The following CSMD1 variants were observed in gnomAD, a reference collection of about 807,000 sequenced individuals.
CSMD1 encodes CUB and sushi domain-containing protein 1.
CSMD1 carries 213 observed loss-of-function variants against 417.5 expected under a neutral mutation model. The observed-to-expected ratio is 0.51, with a 90% CI of 0.46 to 0.57. CSMD1 has a LOEUF of 0.57. CSMD1 is among the 20% of genes least tolerant of loss of function. CSMD1 has a pLI of 0.00. For missense variants in CSMD1, 6,923 were observed against 4,529.7 expected (o/e 1.53, Z -15.17); for synonymous variants, 2,862 against 1,736.8 (o/e 1.65, Z -16.11).
intron 5 of CSMD1, among the ~76,000 whole-genome samples, chr8:3,953,127 T>C (rs894323874): frequency 1.2e-4 from 18 of 152,016 alleles, no homozygotes; most frequent in African/African-American, 4.3e-4. Flanking sequence ...TCAATGATCA[T>C]AAACCCTAAA....
intron 1 of CSMD1, among the ~76,000 whole-genome samples, chr8:4,638,322 G>C (rs972856886): frequency 6.6e-6 from 1 of 152,090 alleles, no homozygotes; most frequent in Non-Finnish European, 1.5e-5. Context: ...GTGGTAATAA[G>C]AATAGTTAGA....
chr8:4,549,562 C>CG (rs1797774469), intron 2 of CSMD1, among the ~76,000 whole-genome samples: 1 of 152,004 alleles, frequency 6.6e-6, no homozygotes, highest in Admixed American at 6.5e-5. Flanking sequence ...CACAGCCTCC[C>CG]GCATTACGTG....
intron 10 of CSMD1, among the ~76,000 whole-genome samples, chr8:3,507,621 A>G (rs1796883968): frequency 6.6e-6 from 1 of 152,194 alleles, no homozygotes; most frequent in African/African-American, 2.4e-5. Context: ...ATTCCCACCA[A>G]CAGTGTAAAA....
At chr8:4,832,659 T>A (rs997668083) in intron 1 of CSMD1, among the ~76,000 whole-genome samples, 1 of 152,176 alleles carries the variant, frequency 6.6e-6, no homozygotes, top group Non-Finnish European at 1.5e-5. Flanking sequence ...TAAATATATA[T>A]TCTCATATTT....
intron 1 of CSMD1, among the ~76,000 whole-genome samples, chr8:4,641,284 C>A (rs79261092): frequency 6.6e-6 from 1 of 151,756 alleles, no homozygotes; most frequent in Non-Finnish European, 1.5e-5. Context: ...CATCTGTTAC[C>A]GAAATAATAA....
intron 3 of CSMD1, among the ~76,000 whole-genome samples, chr8:4,290,589 T>C (rs541702266): frequency 1.3e-5 from 2 of 152,342 alleles, no homozygotes; most frequent in East Asian, 1.9e-4. Context: ...CCATGCTTCA[T>C]ACAATTTACC....
At chr8:3,964,803 G>C (rs1388957121) in intron 5 of CSMD1, among the ~76,000 whole-genome samples, 1 of 152,202 alleles carries the variant, frequency 6.6e-6, no homozygotes, top group African/African-American at 2.4e-5. Flanking sequence ...CTGACAATCT[G>C]TTAAGCTCAC....
intron 1 of CSMD1, among the ~76,000 whole-genome samples, chr8:4,977,823 T>C (rs2117413646): frequency 6.6e-6 from 1 of 152,334 alleles, no homozygotes; most frequent in Non-Finnish European, 1.5e-5. Flanking sequence ...ACTGAATAAG[T>C]ATAGGGCTGG....
chr8:4,083,819 A>G (rs1165919750), intron 3 of CSMD1, among the ~76,000 whole-genome samples: 3 of 152,226 alleles, frequency 2.0e-5, no homozygotes, highest in Non-Finnish European at 4.4e-5. Context: ...AGCAATGGCA[A>G]CAAAAGCCAA....
At chr8:3,261,710 G>A (rs543380032) in intron 26 of CSMD1, among the ~76,000 whole-genome samples, 14 of 152,158 alleles carry the variant, frequency 9.2e-5, no homozygotes, top group African/African-American at 3.1e-4. Flanking sequence ...GGCCCCATCA[G>A]CACCCACAGA....
At chr8:3,233,426 C>G (rs1015321850) in intron 26 of CSMD1, among the ~76,000 whole-genome samples, 1 of 152,190 alleles carries the variant, frequency 6.6e-6, no homozygotes, top group Non-Finnish European at 1.5e-5. Flanking sequence ...GACTTCTCAG[C>G]CAGCATATTT....
At chr8:4,248,724 G>C (rs1802861027) in intron 3 of CSMD1, among the ~76,000 whole-genome samples, 1 of 152,068 alleles carries the variant, frequency 6.6e-6, no homozygotes, top group Non-Finnish European at 1.5e-5. Context: ...CTTTTTGGGT[G>C]ATCTCTATCA....
Position 4,979,731 on chromosome 8 carries a change from T to C in CSMD1, c.85+14601A>G, listed in dbSNP as rs375875141. Among the ~76,000 whole-genome samples the C allele has an allele frequency of 5.9e-5, 9 of 152,292 alleles. No individual in the cohort carries two copies. In the East Asian group the frequency reaches 7.7e-4, roughly 13 times the overall value. On this transcript the variant is annotated intron_variant, in intron 1 of 69. Coordinates refer to ENST00000635120, the MANE Select transcript of CSMD1 (RefSeq NM_033225.6). ...TGACAAATATACAGATCAAATCATA[T>C]TGATATAAAACATATTAACTAGTTG... is the stretch of plus-strand genomic sequence containing the variant.
chr8:3,943,600 A>G (rs2129790551), intron 5 of CSMD1, among the ~76,000 whole-genome samples: 1 of 152,284 alleles, frequency 6.6e-6, no homozygotes, highest in Non-Finnish European at 1.5e-5. Flanking sequence ...CATTTGAAAT[A>G]GCTGGTAAAC....
intron 3 of CSMD1, among the ~76,000 whole-genome samples, chr8:4,094,007 T>C (rs137895602): frequency 9.9e-5 from 15 of 151,062 alleles, no homozygotes; most frequent in Non-Finnish European, 1.2e-4. Flanking sequence ...GATAGATAGA[T>C]AGATAAAGAA....
At chr8:3,693,535 G>C (rs554468264) in intron 7 of CSMD1, among the ~76,000 whole-genome samples, 2 of 152,110 alleles carry the variant, frequency 1.3e-5, no homozygotes, top group South Asian at 4.2e-4. Context: ...TATACATATC[G>C]TTACTGAGCC....
At chr8:4,071,794 G>A (rs752852032) in intron 3 of CSMD1, among the ~76,000 whole-genome samples, 14 of 152,248 alleles carry the variant, frequency 9.2e-5, no homozygotes, top group Non-Finnish European at 1.8e-4. Flanking sequence ...AGGAAATTAA[G>A]TTAGTTGCAT....
chr8:4,367,652 G>A (rs900817868), intron 3 of CSMD1, among the ~76,000 whole-genome samples: 1 of 152,030 alleles, frequency 6.6e-6, no homozygotes, highest in East Asian at 1.9e-4. Context: ...TGCTTTGGGT[G>A]GTATGATGAT....
chr8:3,993,434 C>G (rs17068452), intron 5 of CSMD1, among the ~76,000 whole-genome samples: 9,744 of 152,234 alleles, frequency 0.064, 415 homozygotes, highest in South Asian at 0.12. Context: ...GAAGCATTAA[C>G]TGACCCATTC....
Sources: gnomAD v4.1 joint callset for allele counts (sites outside exome capture counted in the v4.1 genomes callset) on GRCh38, gnomAD v4.1.1 for gene constraint, MANE v1.5 for transcripts, NCBI Gene and HGNC (gene_info 2026-07-23, HGNC 2026-07-21) for gene names.